The following AOAH variants were observed in gnomAD, a reference collection of about 807,000 sequenced individuals.
AOAH encodes the protein acyloxyacyl hydrolase.
AOAH carries 64 observed loss-of-function variants against 92.2 expected under a neutral mutation model. That is an observed-to-expected ratio of 0.69 (90% CI 0.57 to 0.86). The LOEUF (loss-of-function observed/expected upper bound fraction) is 0.86, where lower values mean the gene tolerates loss of function less well. AOAH is among the 40% of genes least tolerant of loss of function. The probability of loss-of-function intolerance (pLI) is 0.00; values close to 1 mark genes in which losing one functional copy is unlikely to be tolerated. For synonymous variants in AOAH, 263 were observed against 254.5 expected (o/e 1.03, Z -0.32); for missense variants, 656 against 694.6 (o/e 0.94, Z 0.62).
intron 3 of AOAH, among the ~76,000 whole-genome samples, chr7:36,665,392 C>T (rs1419623704): frequency 6.6e-6 from 1 of 151,384 alleles, no homozygotes; most frequent in Non-Finnish European, 1.5e-5. Context: ...AACTTTGTGT[C>T]CTGCAACCTT....
intron 13 of AOAH, among the ~76,000 whole-genome samples, chr7:36,561,384 A>G (rs1426739347): frequency 6.6e-6 from 1 of 152,192 alleles, no homozygotes; most frequent in African/African-American, 2.4e-5. Context: ...CCAATGCTCG[A>G]AAACAGGAAA....
intron 6 of AOAH, among the ~76,000 whole-genome samples, chr7:36,630,537 A>G (rs1399983151): frequency 6.6e-6 from 1 of 152,212 alleles, no homozygotes; most frequent in African/African-American, 2.4e-5. Flanking sequence ...TGGGGTGGAC[A>G]TGGACACCCA....
intron 1 of AOAH, among the ~76,000 whole-genome samples, chr7:36,721,539 A>C (rs1350094425): frequency 1.3e-5 from 2 of 152,218 alleles, no homozygotes; most frequent in Non-Finnish European, 2.9e-5. Flanking sequence ...TGTTCATCAC[A>C]AGACTGGACT....
At chr7:36,556,095 T>C (rs1335486998) in intron 13 of AOAH, among the ~76,000 whole-genome samples, 2 of 152,218 alleles carry the variant, frequency 1.3e-5, no homozygotes, top group African/African-American at 2.4e-5. Flanking sequence ...ATTTTGGATC[T>C]TTCCTGCTTT....
intron 16 of AOAH, 126 bp from the exon 17 acceptor site, chr7:36,532,470 T>C (rs546796976): frequency 2.0e-5 from 17 of 849,960 alleles, no homozygotes; most frequent in African/African-American, 1.8e-4. Flanking sequence ...TGATTTTTCA[T>C]GCAGCATTGC....
At chr7:36,690,719 A>G (rs1429640518) in intron 1 of AOAH, among the ~76,000 whole-genome samples, 2 of 152,330 alleles carry the variant, frequency 1.3e-5, no homozygotes, top group Middle Eastern at 3.4e-3. Context: ...AGTGGTCACC[A>G]TCTGAAATCT....
intron 1 of AOAH, among the ~76,000 whole-genome samples, chr7:36,711,013 G>C (rs1798735311): frequency 6.6e-6 from 1 of 152,158 alleles, no homozygotes; most frequent in South Asian, 2.1e-4. Flanking sequence ...TTTGTACAGA[G>C]TGGCAGAACC....
chr7:36,607,729 G>A (rs1196893892), intron 11 of AOAH, among the ~76,000 whole-genome samples: 1 of 152,184 alleles, frequency 6.6e-6, no homozygotes, highest in Non-Finnish European at 1.5e-5. Flanking sequence ...CTGCACCCAG[G>A]GATGGGAATG....
At chr7:36,702,220 T>C (rs1441147789) in intron 1 of AOAH, among the ~76,000 whole-genome samples, 1 of 152,224 alleles carries the variant, frequency 6.6e-6, no homozygotes, top group East Asian at 1.9e-4. Flanking sequence ...TATATACTGT[T>C]ATTTTATATT....
chr7:36,699,560 T>C (rs1318937759), intron 1 of AOAH, among the ~76,000 whole-genome samples: 6 of 152,108 alleles, frequency 3.9e-5, no homozygotes, highest in Non-Finnish European at 8.8e-5. Flanking sequence ...GTTTTTCATC[T>C]ACTTGTTGTC....
chr7:36,628,801 A>G (rs1253417241), intron 6 of AOAH, among the ~76,000 whole-genome samples: 1 of 152,220 alleles, frequency 6.6e-6, no homozygotes, highest in African/African-American at 2.4e-5. Flanking sequence ...GCCACAGAAG[A>G]CACGCAGGTC....
At chr7:36,656,962 G>A (rs1043196839) in intron 4 of AOAH, among the ~76,000 whole-genome samples, 1 of 151,812 alleles carries the variant, frequency 6.6e-6, no homozygotes, top group African/African-American at 2.4e-5. Context: ...GCATTCATAC[G>A]TGCTACGTAG....
intron 13 of AOAH, among the ~76,000 whole-genome samples, chr7:36,561,817 T>C (rs1787290436): frequency 6.6e-6 from 1 of 152,108 alleles, no homozygotes; most frequent in African/African-American, 2.4e-5. Context: ...CCCACAGAGC[T>C]TGAGGAAAAT....
At chr7:36,657,516 CA>C (rs1794962049) in intron 4 of AOAH, among the ~76,000 whole-genome samples, 1 of 152,150 alleles carries the variant, frequency 6.6e-6, no homozygotes, top group African/African-American at 2.4e-5. Context: ...TGAAGCTGTC[CA>C]TGTGTATACC....
chr7:36,626,597 A>G (rs1278782650), intron 6 of AOAH, among the ~76,000 whole-genome samples: 5 of 152,234 alleles, frequency 3.3e-5, no homozygotes, highest in Non-Finnish European at 7.3e-5. Flanking sequence ...ATATAGGGCA[A>G]TTCGTAAGCT....
intron 4 of AOAH, 138 bp downstream of exon 4, chr7:36,659,028 C>T (rs764783122): frequency 6.2e-5 from 44 of 708,654 alleles, no homozygotes; most frequent in Non-Finnish European, 8.6e-5. Context: ...TTATTTCTTG[C>T]GGGGTAATTG....
intron 1 of AOAH, among the ~76,000 whole-genome samples, chr7:36,694,352 G>C (rs1016951184): frequency 2.0e-5 from 3 of 152,102 alleles, no homozygotes; most frequent in Admixed American, 6.5e-5. Flanking sequence ...CAAAAAATTA[G>C]CCAGGTGTGG....
intron 3 of AOAH, among the ~76,000 whole-genome samples, chr7:36,672,693 G>A (rs35932300): frequency 0.023 from 3,444 of 152,050 alleles, 100 homozygotes; most frequent in South Asian, 0.051. Context: ...CCCAGATGAC[G>A]GGTTGATAGG....
At chr7:36,518,829 G>T (rs139073781) in intron 20 of AOAH, among the ~76,000 whole-genome samples, 12 of 152,226 alleles carry the variant, frequency 7.9e-5, no homozygotes, top group Non-Finnish European at 1.8e-4. Context: ...TCAATCACCC[G>T]ATGATCTGGA....
Sources: allele counts gnomAD v4.1 joint callset (sites outside exome capture counted in the v4.1 genomes callset), GRCh38; gene constraint gnomAD v4.1.1; transcripts MANE v1.5; gene names NCBI Gene and HGNC (gene_info 2026-07-23, HGNC 2026-07-21).